CSMD2: variants seen among roughly 807,000 people sequenced by gnomAD.
The protein encoded by CSMD2 is CUB and sushi domain-containing protein 2.
In CSMD2, 130 loss-of-function variants were observed where a neutral mutation model predicts 398.5. The observed-to-expected ratio is 0.33, with a 90% CI of 0.28 to 0.38. The LOEUF (loss-of-function observed/expected upper bound fraction) is 0.38. Among genes scored for constraint, CSMD2 ranks in the 10% least tolerant of loss-of-function variants. The pLI, the probability that CSMD2 is intolerant of heterozygous loss-of-function variation, is 1.00. For synonymous variants in CSMD2, 1,828 were observed against 1,908.5 expected (o/e 0.96, Z 1.10); for missense variants, 3,829 against 4,764.9 (o/e 0.80, Z 5.78).
chr1:33,848,797 A>G (rs1475315564), intron 5 of CSMD2, among the ~76,000 whole-genome samples: 1 of 142,304 alleles, frequency 7.0e-6, no homozygotes. Context: ...AAGGAGCCAC[A>G]AACGTATTGT....
At chr1:33,692,053 C>T (rs1645259427) in intron 25 of CSMD2, among the ~76,000 whole-genome samples, 1 of 152,170 alleles carries the variant, frequency 6.6e-6, no homozygotes, top group Non-Finnish European at 1.5e-5. Flanking sequence ...CTTAGAAATG[C>T]TATGCATCCT....
At chr1:33,910,591 C>T (rs1382044172) in intron 5 of CSMD2, among the ~76,000 whole-genome samples, 2 of 152,170 alleles carry the variant, frequency 1.3e-5, no homozygotes, top group Non-Finnish European at 2.9e-5. Context: ...CTTGGCTACA[C>T]TGGTATTGAG....
chr1:33,849,331 C>A (rs1222767873), intron 5 of CSMD2, among the ~76,000 whole-genome samples: 1 of 152,140 alleles, frequency 6.6e-6, no homozygotes, highest in African/African-American at 2.4e-5. Flanking sequence ...ATGAAAGGAA[C>A]CAGCTACCAA....
chr1:34,096,463 G>A (rs1440551506), intron 1 of CSMD2, among the ~76,000 whole-genome samples: 1 of 150,870 alleles, frequency 6.6e-6, no homozygotes, highest in African/African-American at 2.5e-5. Context: ...AAAAGAGGAA[G>A]TCAAATTGTC....
chr1:33,959,089 C>T (rs911777107), intron 3 of CSMD2, among the ~76,000 whole-genome samples: 4 of 152,096 alleles, frequency 2.6e-5, no homozygotes, highest in African/African-American at 4.8e-5. Flanking sequence ...GTGCTTCCCT[C>T]GTGGTCACAG....
chr1:33,794,728 G>A (rs550697771), intron 10 of CSMD2, among the ~76,000 whole-genome samples: 45 of 152,280 alleles, frequency 3.0e-4, no homozygotes, highest in South Asian at 2.3e-3. Flanking sequence ...TTGAAAGCTC[G>A]GAGTCCAATT....
At chr1:34,109,841 C>A (rs1571151080) in intron 1 of CSMD2, among the ~76,000 whole-genome samples, 1 of 151,820 alleles carries the variant, frequency 6.6e-6, no homozygotes, top group Non-Finnish European at 1.5e-5. Flanking sequence ...AGTTCAAGAC[C>A]AGTCTGGCCA....
At chr1:33,708,944 CTT>C in intron 22 of CSMD2, 143 bp downstream of exon 22, 1 of 678,676 alleles carries the variant, frequency 1.5e-6, no homozygotes, top group Non-Finnish European at 2.4e-6. Flanking sequence ...TTGGTCCTCT[CTT>C]TCTCCCAGAT....
Position 33,663,142 on chromosome 1 carries a change from A to AG in CSMD2, c.4053-51dup, listed in dbSNP as rs769438845. On this transcript the variant is annotated intron_variant, in intron 25 of 70. Coordinates refer to ENST00000373381, the MANE Select transcript of CSMD2 (RefSeq NM_001281956.2). ...TCATCTGGACTCAGCCCTTCTTTCCAGGGGCTTCTGGTCAGAAGGTCCTAA... is the reference window on the plus strand; with the variant it reads ...TCATCTGGACTCAGCCCTTCTTTCCAGGGGGCTTCTGGTCAGAAGGTCCTAA... 20 of 1,531,634 alleles carry AG rather than the reference A, an allele frequency of 1.3e-5. No individual in the cohort carries two copies. In the South Asian group the frequency reaches 2.1e-4, roughly 16 times the overall value. The allele number at this position is 1,531,634 out of a possible 1,614,324, so 94.9% of individuals were successfully genotyped here. A position where few individuals can be genotyped will look rare whatever the true frequency, so the allele number is the denominator to read the frequency against.
intron 3 of CSMD2, among the ~76,000 whole-genome samples, chr1:33,971,823 AT>A (rs1199173792): frequency 3.3e-5 from 5 of 152,124 alleles, no homozygotes; most frequent in Non-Finnish European, 1.5e-5. Context: ...CCTGGGAGCC[AT>A]GGAGAGTTGA....
rs1022926481 is a variant in CSMD2, at chr1:33,606,380, C to T, written c.6344-910G>A. Reference sequence around the variant, plus strand: ...ATACGTAATAACAACATCAATAACGCGGATCTTGAAGATAACATTTCCTGA... The same window carrying T: ...ATACGTAATAACAACATCAATAACGTGGATCTTGAAGATAACATTTCCTGA... On this transcript the variant is annotated intron_variant, in intron 41 of 70. Transcript: ENST00000373381. Among the ~76,000 whole-genome samples the T allele has an allele frequency of 3.9e-5, 6 of 152,218 alleles. No homozygotes were observed. In the East Asian group the frequency reaches 7.7e-4, roughly 20 times the overall value.
At chr1:33,991,633 A>G (rs1225781390) in intron 3 of CSMD2, among the ~76,000 whole-genome samples, 1 of 152,190 alleles carries the variant, frequency 6.6e-6, no homozygotes, top group East Asian at 1.9e-4. Flanking sequence ...AGCCAAAGGA[A>G]GACACGGTCT....
Position 33,868,520 on chromosome 1 carries a change from G to A in CSMD2, c.921-21524C>T, listed in dbSNP as rs145156101. ...TGGGAGGCCGAGGTGGGTGTTTCATGAGGTCAGGAATTTGAGACCAGCCTG... is the reference window on the plus strand; with the variant it reads ...TGGGAGGCCGAGGTGGGTGTTTCATAAGGTCAGGAATTTGAGACCAGCCTG... On this transcript the variant is annotated intron_variant, in intron 5 of 70. Coordinates refer to ENST00000373381, the MANE Select transcript of CSMD2 (RefSeq NM_001281956.2). Among the ~76,000 whole-genome samples, 109 of 152,228 alleles carry A rather than the reference G, an allele frequency of 7.2e-4. 4 individuals carry two copies. In the East Asian group the frequency reaches 0.016, roughly 23 times the overall value.
At chr1:34,099,155 C>T (rs1659702146) in intron 1 of CSMD2, among the ~76,000 whole-genome samples, 1 of 152,234 alleles carries the variant, frequency 6.6e-6, no homozygotes, top group South Asian at 2.1e-4. Flanking sequence ...AGTACACTTC[C>T]TTGAACTTTC....
chr1:33,929,965 G>T (rs1644259331), intron 4 of CSMD2, among the ~76,000 whole-genome samples: 1 of 152,076 alleles, frequency 6.6e-6, no homozygotes, highest in Non-Finnish European at 1.5e-5. Context: ...CCCATCACTG[G>T]CTAAGACTTT....
At chr1:34,064,438 T>C (rs1398102705) in intron 2 of CSMD2, among the ~76,000 whole-genome samples, 2 of 152,136 alleles carry the variant, frequency 1.3e-5, no homozygotes, top group Non-Finnish European at 2.9e-5. Flanking sequence ...CACAAGTCTC[T>C]AGGGCGGGGG....
chr1:33,575,120 T>C (rs1350482033), intron 49 of CSMD2, among the ~76,000 whole-genome samples: 1 of 152,212 alleles, frequency 6.6e-6, no homozygotes, highest in Non-Finnish European at 1.5e-5. Context: ...AGAGGGACAC[T>C]TCCTGTGGGT....
At chr1:34,027,916 G>A (rs937774309) in intron 3 of CSMD2, among the ~76,000 whole-genome samples, 1 of 148,344 alleles carries the variant, frequency 6.7e-6, no homozygotes, top group Non-Finnish European at 1.5e-5. Flanking sequence ...GAGTCAGGAG[G>A]AGGAGGAGGA....
At chr1:34,005,448 A>T (rs1280893183) in intron 3 of CSMD2, among the ~76,000 whole-genome samples, 1 of 120,380 alleles carries the variant, frequency 8.3e-6, no homozygotes, top group Non-Finnish European at 1.8e-5. Context: ...TGATTTATTT[A>T]TGATTAGGTG....
Sources: gnomAD v4.1 joint callset for allele counts (sites outside exome capture counted in the v4.1 genomes callset) on GRCh38, gnomAD v4.1.1 for gene constraint, MANE v1.5 for transcripts, NCBI Gene and HGNC (gene_info 2026-07-23, HGNC 2026-07-21) for gene names.